ZBTB44: variants seen among roughly 807,000 people sequenced by gnomAD.
The protein encoded by ZBTB44 is zinc finger and BTB domain containing 44.
In ZBTB44, 15 loss-of-function variants were observed where a neutral mutation model predicts 54.0. That is an observed-to-expected ratio of 0.28 (90% CI 0.19 to 0.43). The LOEUF is 0.43. ZBTB44 is among the 20% of genes least tolerant of loss of function. The probability of loss-of-function intolerance (pLI) is 1.00; values close to 1 mark genes in which losing one functional copy is unlikely to be tolerated. For synonymous variants in ZBTB44, 230 were observed against 250.1 expected, an observed-to-expected ratio of 0.92 and a Z score of 0.76; for missense variants, 487 against 707.1, an observed-to-expected ratio of 0.69 and a Z score of 3.53.
In ZBTB44 at chr11:130,295,913, G is replaced by C. The variant is rs1941614960; in HGVS notation, c.-57+18462C>G. ...ACCTATGGGTTGATAATGGGTGGCA[G>C]TAACGGATCTGCTGAAGCACAGAAA... On this transcript the variant is annotated intron_variant, in intron 1 of 7. Coordinates refer to ENST00000357899, the MANE Select transcript of ZBTB44 (RefSeq NM_001301098.2). The C allele has an allele frequency of 2.0e-6, 3 of 1,512,506 alleles. No individual in the cohort carries two copies. The East Asian group carries it at 6.8e-5, about 34-fold the overall frequency. 93.7% of individuals were successfully genotyped at this position (1,512,506 alleles called of 1,614,324 possible). A position where few individuals can be genotyped will look rare whatever the true frequency, so the allele number is the denominator to read the frequency against.
chr11:130,279,223 G>A (rs546614042), intron 1 of ZBTB44, among the ~76,000 whole-genome samples: 4 of 147,410 alleles, frequency 2.7e-5, no homozygotes, highest in East Asian at 2.0e-4. Context: ...TTTTGGGTAC[G>A]CCCACAGTCA....
rs757731446 is a variant in ZBTB44, at chr11:130,261,068, T to A, written c.806A>T (p.Tyr269Phe). Reference protein sequence around the residue: ...PSETGRRMADYVTCESTKTTL... With the variant: ...PSETGRRMADFVTCESTKTTL... The stretch of plus-strand genomic sequence containing the variant: ...AGTTTTTGTGCTCTCACAAGTCACA[T>A]AATCAGCCATTCTTCTACCGGTCTC... Residue 269 changes from tyrosine to phenylalanine, a missense_variant, in exon 2 of 8, where the codon TAT (tyrosine) becomes TTT (phenylalanine). By Grantham distance (22) the Tyr-to-Phe change is conservative. Coordinates refer to ENST00000357899, the MANE Select transcript of ZBTB44 (RefSeq NM_001301098.2). This position sits in a 1 kb window ranked among gnomAD's most constrained non-coding sequence, Gnocchi z 4.8. The A allele has an allele frequency of 1.9e-5, 30 of 1,613,930 alleles. No homozygotes were observed. In the African/African-American group the frequency reaches 3.6e-4, roughly 19 times the overall value.
intron 5 of ZBTB44, 31 bp from the exon 6 acceptor site, chr11:130,234,304 A>C (rs1954012765): frequency 1.3e-6 from 2 of 1,496,090 alleles, no homozygotes; most frequent in Non-Finnish European, 1.8e-6. Context: ...GAAATATGGA[A>C]TTAATTTTCA....
chr11:130,289,946 T>G (rs1194101055), intron 1 of ZBTB44, among the ~76,000 whole-genome samples: 2 of 152,244 alleles, frequency 1.3e-5, no homozygotes, highest in East Asian at 3.8e-4. Flanking sequence ...TCAAGTACTC[T>G]GGTCAATGAC....
At chr11:130,307,605 G>A (rs143612158) in intron 1 of ZBTB44, among the ~76,000 whole-genome samples, 7 of 152,160 alleles carry the variant, frequency 4.6e-5, no homozygotes, top group South Asian at 2.1e-4. Context: ...ACAATCATGC[G>A]TGGCATGTGT....
intron 1 of ZBTB44, among the ~76,000 whole-genome samples, chr11:130,271,029 A>G (rs1452967278): frequency 6.6e-6 from 1 of 152,192 alleles, no homozygotes. Flanking sequence ...GAGCAGATAG[A>G]GCAAAAGGCC....
chr11:130,253,081 T>C (rs1236675878), intron 2 of ZBTB44, among the ~76,000 whole-genome samples: 1 of 152,190 alleles, frequency 6.6e-6, no homozygotes, highest in Admixed American at 6.5e-5. Flanking sequence ...ATAAGACCTA[T>C]TTATGACAAA....
At chr11:130,257,405 G>C (rs1347020215) in intron 2 of ZBTB44, among the ~76,000 whole-genome samples, 1 of 152,126 alleles carries the variant, frequency 6.6e-6, no homozygotes, top group East Asian at 1.9e-4. Context: ...TAGGGAGAGA[G>C]AGATTTGAAG....
chr11:130,295,307 G>C (rs1381160502), intron 1 of ZBTB44, among the ~76,000 whole-genome samples: 1 of 152,120 alleles, frequency 6.6e-6, no homozygotes, highest in Non-Finnish European at 1.5e-5. Context: ...AGAGGCAGTG[G>C]AAGATATAAA....
chr11:130,273,395 GATCTGC>G (rs1164036224), intron 1 of ZBTB44, among the ~76,000 whole-genome samples: 1 of 141,932 alleles, frequency 7.0e-6, no homozygotes, highest in East Asian at 2.1e-4. Context: ...CTGAAGCCTT[GATCTGC>G]TGGGCTCAAC....
At chr11:130,299,244 C>T (rs1333032435) in intron 1 of ZBTB44, among the ~76,000 whole-genome samples, 1 of 151,980 alleles carries the variant, frequency 6.6e-6, no homozygotes, top group Non-Finnish European at 1.5e-5. Flanking sequence ...AATGAATGCA[C>T]AGAGTATGTT....
At chr11:130,304,387 G>A (rs1181518922) in intron 1 of ZBTB44, among the ~76,000 whole-genome samples, 1 of 152,100 alleles carries the variant, frequency 6.6e-6, no homozygotes, top group African/African-American at 2.4e-5. Flanking sequence ...ATTTATAAGA[G>A]TATTAAAAAA....
Position 130,239,813 on chromosome 11 carries a change from GATC to G in ZBTB44, c.1099_1101del (p.Asp367del), listed in dbSNP as rs768338031. 2 of 1,611,020 alleles carry G rather than the reference GATC, an allele frequency of 1.2e-6. No homozygotes were observed. Among genetic ancestry groups the G allele is most frequent in the Non-Finnish European group, 1.7e-6 (2 of 1,178,154 alleles). ...ACGAAATGCTATGTTAGTACTGACC[GATC>G]ATCATCATCCGGAGGAGCATTAGTG... On this transcript the variant is annotated inframe_deletion and splice_region_variant, in exon 3 of 8. Coordinates refer to ENST00000357899, the MANE Select transcript of ZBTB44 (RefSeq NM_001301098.2).
chr11:130,236,762 T>C, intron 5 of ZBTB44, 31 bp downstream of exon 5: 1 of 1,322,460 alleles, frequency 7.6e-7, no homozygotes, highest in South Asian at 2.2e-5. Flanking sequence ...GAAAGCAGTT[T>C]TCCTGGTTGG....
intron 1 of ZBTB44, among the ~76,000 whole-genome samples, chr11:130,291,882 C>T (rs930382080): frequency 3.9e-5 from 6 of 152,204 alleles, no homozygotes; most frequent in African/African-American, 1.4e-4. Context: ...ATCACCACCA[C>T]AATCAAGATA....
At chr11:130,312,383 G>C (rs889323992) in intron 1 of ZBTB44, among the ~76,000 whole-genome samples, 8 of 152,200 alleles carry the variant, frequency 5.3e-5, no homozygotes, top group African/African-American at 1.7e-4. Flanking sequence ...GTGGGAATCT[G>C]ACATTGTGTG....
intron 1 of ZBTB44, among the ~76,000 whole-genome samples, chr11:130,311,739 A>G (rs917576781): frequency 1.5e-4 from 23 of 152,176 alleles, no homozygotes; most frequent in African/African-American, 5.3e-4. Context: ...TCTATATACG[A>G]TTTCTCATTA....
chr11:130,308,254 C>T (rs533305185), intron 1 of ZBTB44, among the ~76,000 whole-genome samples: 10 of 152,296 alleles, frequency 6.6e-5, no homozygotes, highest in African/African-American at 9.6e-5. Flanking sequence ...ACACAATCGC[C>T]TAACGACGCA....
intron 1 of ZBTB44, among the ~76,000 whole-genome samples, chr11:130,314,140 C>T (rs1942798786): frequency 6.6e-6 from 1 of 152,146 alleles, no homozygotes; most frequent in Non-Finnish European, 1.5e-5. Context: ...ACGGGCAGCT[C>T]CCTGGAAGGT....
Sources: allele counts gnomAD v4.1 joint callset (sites outside exome capture counted in the v4.1 genomes callset), GRCh38; gene constraint gnomAD v4.1.1; non-coding constraint Gnocchi (gnomAD v3.1); transcripts MANE v1.5; gene names NCBI Gene and HGNC (gene_info 2026-07-23, HGNC 2026-07-21).